AOX1: variants seen among roughly 807,000 people sequenced by gnomAD.
AOX1 encodes aldehyde oxidase 1.
Under a neutral mutation model 169.5 loss-of-function variants are expected in AOX1, and 153 were observed. That is an observed-to-expected ratio of 0.90 (90% CI 0.79 to 1.03). The LOEUF (loss-of-function observed/expected upper bound fraction) is 1.03, where lower values mean the gene tolerates loss of function less well. AOX1 is among the 50% of genes least tolerant of loss of function. The pLI, the probability that AOX1 is intolerant of heterozygous loss-of-function variation, is 0.00. For missense variants in AOX1, 1,656 were observed against 1,663.9 expected, an observed-to-expected ratio of 1.00 and a Z score of 0.08; for synonymous variants, 562 against 581.9, an observed-to-expected ratio of 0.97 and a Z score of 0.49.
chr2:200,613,658 T>C, intron 14 of AOX1, 146 bp from the exon 15 acceptor site: 8 of 698,920 alleles, frequency 1.1e-5, no homozygotes. Context: ...TTGAGAATGG[T>C]GGGCCAATTT....
Position 200,609,131 on chromosome 2 carries a change from T to C in AOX1, c.1055T>C (p.Met352Thr). 6.2e-7 allele frequency: 1 copy of C among 1,613,960 alleles called. No homozygotes were observed. The highest frequency in any genetic ancestry group is 2.2e-5 in the East Asian group (1 of 44,876). Reference protein sequence around the residue: ...GTLAGSQIRNMASLGGHIISR... With the variant: ...GTLAGSQIRNTASLGGHIISR... ...CTGGCTGGGTCCCAGATCAGGAACATGGCTGTATGTATCTGATGACAGTAA... is the reference window on the plus strand; with the variant it reads ...CTGGCTGGGTCCCAGATCAGGAACACGGCTGTATGTATCTGATGACAGTAA... The change falls in exon 11 of 35, where the codon ATG becomes ACG. Residue 352 changes from methionine (M) to threonine (T), a missense_variant. Met to Thr is a moderately conservative substitution (Grantham distance 81, BLOSUM62 -1). Transcript: ENST00000374700.
chr2:200,663,067 C>A, intron 31 of AOX1, 98 bp downstream of exon 31: 2 of 897,284 alleles, frequency 2.2e-6, no homozygotes, highest in Non-Finnish European at 1.8e-6. Flanking sequence ...GTGGCAGCAT[C>A]GTGCATTTGG....
At chr2:200,600,724 G>T (rs1049488004) in intron 5 of AOX1, among the ~76,000 whole-genome samples, 7 of 152,084 alleles carry the variant, frequency 4.6e-5, no homozygotes, top group African/African-American at 1.4e-4. Context: ...ACTGTCTTCT[G>T]CCTGATTTCC....
chr2:200,652,093 G>A (rs2035591163), intron 26 of AOX1, among the ~76,000 whole-genome samples: 1 of 152,176 alleles, frequency 6.6e-6, no homozygotes, highest in South Asian at 2.1e-4. Context: ...GGCAGGGTAG[G>A]GGAGCTTCGA....
intron 16 of AOX1, among the ~76,000 whole-genome samples, chr2:200,618,943 T>C (rs1203725234): frequency 6.6e-6 from 1 of 152,320 alleles, no homozygotes; most frequent in South Asian, 2.1e-4. Context: ...TGGAGCACTT[T>C]CACTGGACCA....
intron 30 of AOX1, 73 bp downstream of exon 30, chr2:200,661,704 C>G: frequency 8.1e-7 from 1 of 1,233,102 alleles, no homozygotes; most frequent in Non-Finnish European, 1.2e-6. Context: ...AGTTCCCTTG[C>G]AATTTTGGCA....
chr2:200,659,121 G>T, intron 27 of AOX1, 44 bp from the exon 28 acceptor site: 1 of 1,603,070 alleles, frequency 6.2e-7, no homozygotes, highest in South Asian at 1.1e-5. Context: ...ACAGGTCTGT[G>T]ACTAATCAAA....
At chr2:200,611,630 G>C in intron 13 of AOX1, 137 bp downstream of exon 13, 1 of 628,180 alleles carries the variant, frequency 1.6e-6, no homozygotes. Flanking sequence ...AGTGGTATGA[G>C]GTCATTATTT....
chr2:200,651,737 A>T (rs2035583003), intron 26 of AOX1, among the ~76,000 whole-genome samples: 1 of 152,166 alleles, frequency 6.6e-6, no homozygotes, highest in African/African-American at 2.4e-5. Context: ...TAAAACTGTG[A>T]AAGGGGGGAC....
Position 200,639,181 on chromosome 2 carries a change from C to G in AOX1, c.2568+879C>G, listed in dbSNP as rs80312624. Among the ~76,000 whole-genome samples, 346 of 152,328 alleles carry G rather than the reference C, an allele frequency of 2.3e-3. 4 individuals carry two copies. Among genetic ancestry groups the G allele is most frequent in the African/African-American group, 8.0e-3 (332 of 41,574 alleles). ...TGGACAGTGCAGACGCAGAACATTG[C>G]CATCATCACAGAAAGTTTTATTGGG... On this transcript the variant is annotated intron_variant, in intron 23 of 34. Coordinates refer to ENST00000374700, the MANE Select transcript of AOX1 (RefSeq NM_001159.4).
intron 1 of AOX1, among the ~76,000 whole-genome samples, chr2:200,586,465 A>G (rs972818256): frequency 2.0e-5 from 3 of 152,202 alleles, no homozygotes; most frequent in Non-Finnish European, 4.4e-5. Flanking sequence ...GATAAAAAGT[A>G]TTCTTGCCCA....
In AOX1 at chr2:200,670,705, C is replaced by T; in HGVS notation, c.*26C>T. 1.9e-6 allele frequency: 3 copies of T among 1,592,472 alleles called. No homozygotes were observed. Among genetic ancestry groups the T allele is most frequent in the Non-Finnish European group, 2.6e-6 (3 of 1,161,854 alleles). On this transcript the variant is annotated 3_prime_UTR_variant, in exon 35 of 35. Coordinates refer to ENST00000374700, the MANE Select transcript of AOX1 (RefSeq NM_001159.4). ...ATCAAATGCAAACTTCTGGAGAAAA[C>T]AGAGTGCCTCTTCCCAGATGGCAAT... is the stretch of plus-strand genomic sequence containing the variant.
At position 200,621,259 on chromosome 2, in the gene AOX1, T is replaced by G; in HGVS notation, c.2001+13T>G. The stretch of plus-strand genomic sequence containing the variant: ...GGCGACAGATAAGGTACTGCATTTT[T>G]GCTTTCTATTTGAAAAATAACTTTC... On this transcript the variant is annotated intron_variant, in intron 18 of 34. Coordinates refer to ENST00000374700, the MANE Select transcript of AOX1 (RefSeq NM_001159.4). The G allele has an allele frequency of 6.2e-7, 1 of 1,607,156 alleles. No individual in the cohort carries two copies. Among genetic ancestry groups the G allele is most frequent in the Non-Finnish European group, 8.5e-7 (1 of 1,178,242 alleles).
intron 20 of AOX1, 102 bp from the exon 21 acceptor site, chr2:200,634,686 CAGA>C (rs1559248049): frequency 1.5e-6 from 2 of 1,372,518 alleles, no homozygotes; most frequent in African/African-American, 2.9e-5. Context: ...CTGTGCCCAG[CAGA>C]AGTACTATTA....
chr2:200,598,226 TA>T (rs1044123708), intron 4 of AOX1, among the ~76,000 whole-genome samples: 1 of 152,058 alleles, frequency 6.6e-6, no homozygotes, highest in Non-Finnish European at 1.5e-5. Context: ...GATATAATTT[TA>T]TTTTTTTTTA....
chr2:200,642,228 A>G (rs1395347527), intron 24 of AOX1, among the ~76,000 whole-genome samples: 1 of 152,154 alleles, frequency 6.6e-6, no homozygotes, highest in African/African-American at 2.4e-5. Flanking sequence ...CCCCATTGAG[A>G]ACCAATACAT....
downstream of AOX1, among the ~76,000 whole-genome samples, chr2:200,675,957 A>C (rs1382322079): frequency 6.6e-6 from 1 of 151,654 alleles, no homozygotes; most frequent in Non-Finnish European, 1.5e-5. Context: ...AAAAAAAGAA[A>C]ATTTTAAAAT....
At chr2:200,668,529 C>A in intron 32 of AOX1, 86 bp from the exon 33 acceptor site, 1 of 1,232,572 alleles carries the variant, frequency 8.1e-7, no homozygotes, top group South Asian at 1.5e-5. Flanking sequence ...TTTTAAAATT[C>A]AAGCAAACAG....
intron 22 of AOX1, 183 bp from the exon 23 acceptor site, chr2:200,638,032 G>T: frequency 1.9e-6 from 1 of 517,304 alleles, no homozygotes; most frequent in Non-Finnish European, 3.6e-6. Context: ...ATTATTCCCT[G>T]ACCTAACGGG....
Sources: gnomAD v4.1 joint callset for allele counts (sites outside exome capture counted in the v4.1 genomes callset) on GRCh38, gnomAD v4.1.1 for gene constraint, MANE v1.5 for transcripts, NCBI Gene and HGNC (gene_info 2026-07-23, HGNC 2026-07-21) for gene names.